Variants in MTMR12 observed in about 807,000 individuals in gnomAD.
MTMR12 encodes the protein myotubularin-related protein 12.
MTMR12 carries 33 observed loss-of-function variants against 96.7 expected under a neutral mutation model. The ratio of observed to expected loss-of-function variants is 0.34; its 90% CI spans 0.26 to 0.46. The LOEUF is 0.46. MTMR12 is among the 20% of genes least tolerant of loss of function. MTMR12 has a pLI of 1.00. For synonymous variants in MTMR12, 298 were observed against 327.2 expected, an observed-to-expected ratio of 0.91 and a Z score of 0.96; for missense variants, 721 against 896.1, an observed-to-expected ratio of 0.80 and a Z score of 2.49.
chr5:32,277,635 G>C (rs1750108190), intron 1 of MTMR12, among the ~76,000 whole-genome samples: 1 of 151,994 alleles, frequency 6.6e-6, no homozygotes, highest in African/African-American at 2.4e-5. Context: ...GGAGGCAGAG[G>C]CTGCAGTGAG....
Position 32,294,237 on chromosome 5 carries a change from G to C in MTMR12, c.82-17495C>G, listed in dbSNP as rs192428967. 4.6e-5 allele frequency among the ~76,000 whole-genome samples: 7 copies of C among 152,186 alleles called. No individual in the cohort carries two copies. In the East Asian group the frequency reaches 1.4e-3, roughly 29 times the overall value. On this transcript the variant is annotated intron_variant, in intron 1 of 15. Coordinates refer to ENST00000382142, the MANE Select transcript of MTMR12 (RefSeq NM_001040446.3). Reference sequence around the variant, plus strand: ...TCAAAACTCTCTCCATCAGAACACTGAGGTGCCCCTTTGCTAGATACCCAA... The same window carrying C: ...TCAAAACTCTCTCCATCAGAACACTCAGGTGCCCCTTTGCTAGATACCCAA...
chr5:32,265,563 T>C (rs1426212281), intron 6 of MTMR12, among the ~76,000 whole-genome samples: 2 of 152,224 alleles, frequency 1.3e-5, no homozygotes, highest in Non-Finnish European at 2.9e-5. Flanking sequence ...GTATATGTCA[T>C]ATTGCCACAA....
At chr5:32,303,118 C>A (rs1262907803) in intron 1 of MTMR12, among the ~76,000 whole-genome samples, 1 of 152,220 alleles carries the variant, frequency 6.6e-6, no homozygotes, top group Non-Finnish European at 1.5e-5. Context: ...TAATGGCCCA[C>A]ATCTCTTAAA....
At chr5:32,310,298 G>C (rs1751526495) in intron 1 of MTMR12, among the ~76,000 whole-genome samples, 1 of 152,106 alleles carries the variant, frequency 6.6e-6, no homozygotes, top group Non-Finnish European at 1.5e-5. Flanking sequence ...GCAAGATCCT[G>C]TCTCTAAAAA....
At chr5:32,240,772 T>C (rs1748437690) in intron 12 of MTMR12, among the ~76,000 whole-genome samples, 1 of 152,148 alleles carries the variant, frequency 6.6e-6, no homozygotes, top group Non-Finnish European at 1.5e-5. Context: ...GACTAATTTT[T>C]GCATTATTAG....
rs868246312 is a variant in MTMR12, at chr5:32,255,360, A to C, written c.789+333T>G. ...AAGATTAACAGTGTGGGCCAAAAAGAAGCTTAAATCCTACTACCCTTGGCG... is the reference window on the plus strand; with the variant it reads ...AAGATTAACAGTGTGGGCCAAAAAGCAGCTTAAATCCTACTACCCTTGGCG... On this transcript the variant is annotated intron_variant, in intron 8 of 15. Transcript: ENST00000382142. Among the ~76,000 whole-genome samples the C allele has an allele frequency of 2.2e-4, 34 of 152,158 alleles. 1 individual carries two copies. The highest frequency in any genetic ancestry group is 7.3e-5 in the Non-Finnish European group (5 of 68,038).
At chr5:32,279,068 C>T (rs1750175445) in intron 1 of MTMR12, among the ~76,000 whole-genome samples, 1 of 90,982 alleles carries the variant, frequency 1.1e-5, no homozygotes, top group South Asian at 4.0e-4. Flanking sequence ...AAGAGCGAAA[C>T]TCTGTCTCAA....
chr5:32,271,387 A>G (rs1250380736), intron 4 of MTMR12, among the ~76,000 whole-genome samples: 1 of 152,248 alleles, frequency 6.6e-6, no homozygotes, highest in Non-Finnish European at 1.5e-5. Context: ...AACATCATAA[A>G]TGATCACTGA....
At chr5:32,306,153 C>A (rs1751355343) in intron 1 of MTMR12, among the ~76,000 whole-genome samples, 1 of 152,132 alleles carries the variant, frequency 6.6e-6, no homozygotes, top group South Asian at 2.1e-4. Flanking sequence ...TAGTAATATT[C>A]CTTACATTCA....
At chr5:32,271,251 GATGAAAGGGA>G (rs1236271094) in intron 4 of MTMR12, among the ~76,000 whole-genome samples, 3 of 152,188 alleles carry the variant, frequency 2.0e-5, no homozygotes, top group Non-Finnish European at 4.4e-5. Context: ...GCTTATAAAA[GATGAAAGGGA>G]AATGACTAGA....
At chr5:32,249,545 C>A (rs1267330747) in intron 8 of MTMR12, among the ~76,000 whole-genome samples, 1 of 152,056 alleles carries the variant, frequency 6.6e-6, no homozygotes, top group Non-Finnish European at 1.5e-5. Flanking sequence ...TTCAGAGCTT[C>A]GTTTCAAAAG....
chr5:32,286,142 A>G (rs1245155071), intron 1 of MTMR12, among the ~76,000 whole-genome samples: 1 of 152,180 alleles, frequency 6.6e-6, no homozygotes, highest in African/African-American at 2.4e-5. Context: ...AGTTCGAGAC[A>G]AGCTTGGGCA....
intron 10 of MTMR12, among the ~76,000 whole-genome samples, chr5:32,246,628 G>A (rs535646803): frequency 6.6e-6 from 1 of 152,262 alleles, no homozygotes; most frequent in South Asian, 2.1e-4. Flanking sequence ...TGCCACTGCA[G>A]GCTTTATCTT....
intron 12 of MTMR12, among the ~76,000 whole-genome samples, chr5:32,241,468 G>C (rs1419987961): frequency 6.6e-6 from 1 of 152,148 alleles, no homozygotes; most frequent in Non-Finnish European, 1.5e-5. Flanking sequence ...TTATAGTGTG[G>C]GGCTAAACGA....
chr5:32,303,013 T>C (rs957748057), intron 1 of MTMR12, among the ~76,000 whole-genome samples: 2 of 152,156 alleles, frequency 1.3e-5, no homozygotes, highest in Non-Finnish European at 2.9e-5. Context: ...TATTAATACC[T>C]TAGCTGGGAA....
At position 32,228,597 on chromosome 5, in the gene MTMR12, T is replaced by TATATATATC. The variant is rs1561727408; in HGVS notation, c.*1180_*1181insGATATATAT. On this transcript the variant is annotated 3_prime_UTR_variant, in exon 16 of 16. Transcript: ENST00000382142. ...ATATATATCATATATATGTGATATA[T>TATATATATC]ATATATATATCATATATATGATATA... is the stretch of plus-strand genomic sequence containing the variant. The TATATATATC allele has an allele frequency of 1.3e-5, 1 of 79,402 alleles. No homozygotes were observed. The highest frequency in any genetic ancestry group is 3.8e-5 in the African/African-American group (1 of 26,390). 4.9% of individuals were successfully genotyped at this position (79,402 alleles called of 1,614,324 possible).
intron 1 of MTMR12, among the ~76,000 whole-genome samples, chr5:32,292,853 C>T (rs1750785177): frequency 6.6e-6 from 1 of 152,200 alleles, no homozygotes; most frequent in Non-Finnish European, 1.5e-5. Flanking sequence ...CAGCTACGAC[C>T]ACGTGACCAG....
At position 32,264,984 on chromosome 5, in the gene MTMR12, A is replaced by T. The variant is rs1039814967; in HGVS notation, c.584-1742T>A. The stretch of plus-strand genomic sequence containing the variant: ...TCCAAACCCCACCAAAAAAAAAAAA[A>T]TCCCCATGGATATAAGGTAGTAACA... On this transcript the variant is annotated intron_variant, in intron 6 of 15. Transcript: ENST00000382142. 6.6e-5 allele frequency among the ~76,000 whole-genome samples: 10 copies of T among 152,144 alleles called. 1 individual carries two copies. The East Asian group carries it at 9.6e-4, about 15-fold the overall frequency.
At chr5:32,270,432 T>C (rs1279612208) in intron 5 of MTMR12, among the ~76,000 whole-genome samples, 3 of 152,186 alleles carry the variant, frequency 2.0e-5, no homozygotes, top group East Asian at 1.9e-4. Flanking sequence ...CATTTACTCA[T>C]AGAAGTTGGA....
Sources: allele counts gnomAD v4.1 joint callset (sites outside exome capture counted in the v4.1 genomes callset), GRCh38; gene constraint gnomAD v4.1.1; transcripts MANE v1.5; gene names NCBI Gene and HGNC (gene_info 2026-07-23, HGNC 2026-07-21).